The following KLHL14 variants were observed in gnomAD, a reference collection of about 807,000 sequenced individuals.
The protein encoded by KLHL14 is kelch like family member 14.
In KLHL14, 22 loss-of-function variants were observed where a neutral mutation model predicts 64.3. That is an observed-to-expected ratio of 0.34 (90% confidence interval 0.24 to 0.49). The LOEUF (loss-of-function observed/expected upper bound fraction) is 0.49, where lower values mean the gene tolerates loss of function less well. Ranked by LOEUF, KLHL14 falls within the 20% of genes least tolerant of loss-of-function variation. The pLI, the probability that KLHL14 is intolerant of heterozygous loss-of-function variation, is 0.99. For synonymous variants in KLHL14, 322 were observed against 333.4 expected, an observed-to-expected ratio of 0.97 and a Z score of 0.37; for missense variants, 661 against 789.0, an observed-to-expected ratio of 0.84 and a Z score of 1.94.
intron 2 of KLHL14, among the ~76,000 whole-genome samples, chr18:32,752,898 A>C (rs1172057235): frequency 1.3e-5 from 2 of 148,432 alleles, no homozygotes; most frequent in African/African-American, 5.0e-5. Flanking sequence ...TTTATAAGCT[A>C]TCAGAACTTC....
intron 3 of KLHL14, among the ~76,000 whole-genome samples, chr18:32,724,061 T>A (rs573706113): frequency 6.6e-6 from 1 of 152,230 alleles, no homozygotes; most frequent in South Asian, 2.1e-4. Flanking sequence ...TAGAAAGAGA[T>A]CAAATAATGT....
intron 3 of KLHL14, among the ~76,000 whole-genome samples, chr18:32,718,509 C>T (rs1028856231): frequency 6.6e-6 from 1 of 152,184 alleles, no homozygotes; most frequent in Non-Finnish European, 1.5e-5. Context: ...AGGTGACATA[C>T]TGAGCAAGCT....
At chr18:32,751,901 C>G (rs1396042327) in intron 2 of KLHL14, among the ~76,000 whole-genome samples, 3 of 152,120 alleles carry the variant, frequency 2.0e-5, no homozygotes, top group African/African-American at 7.2e-5. Context: ...CCAAGGTGGG[C>G]AGATCACTTG....
chr18:32,734,549 T>C (rs1298184014), intron 3 of KLHL14, among the ~76,000 whole-genome samples: 1 of 152,248 alleles, frequency 6.6e-6, no homozygotes, highest in East Asian at 1.9e-4. Flanking sequence ...GATTTCATTC[T>C]GAATCAAAGT....
chr18:32,698,707 T>C (rs2049948265), intron 3 of KLHL14, among the ~76,000 whole-genome samples: 1 of 152,132 alleles, frequency 6.6e-6, no homozygotes, highest in African/African-American at 2.4e-5. Context: ...CTCAACTTTA[T>C]TAAACAAACA....
intron 3 of KLHL14, among the ~76,000 whole-genome samples, chr18:32,713,182 C>G (rs755520490): frequency 3.9e-5 from 6 of 152,198 alleles, no homozygotes; most frequent in Non-Finnish European, 8.8e-5. Flanking sequence ...CCTAAAATAT[C>G]TACTGTCCTC....
intron 2 of KLHL14, chr18:32,743,487 C>T (rs983393642): frequency 9.2e-5 from 14 of 152,186 alleles, no homozygotes; most frequent in African/African-American, 3.4e-4. Flanking sequence ...GGGAAAAATA[C>T]CTTCTGGAGA....
chr18:32,772,094 G>GCGCCGGCCCGCCGGCC (rs200605696), intron 1 of KLHL14: 1 of 227,778 alleles, frequency 4.4e-6, no homozygotes, highest in Non-Finnish European at 8.5e-6. Context: ...TCCCGCCCGC[G>GCGCCGGCCCGCCGGCC]CGCCGGCCCG....
intron 4 of KLHL14, among the ~76,000 whole-genome samples, chr18:32,694,114 A>G (rs1412449351): frequency 4.6e-5 from 7 of 152,190 alleles, no homozygotes; most frequent in African/African-American, 1.7e-4. Flanking sequence ...CAAGACTGCT[A>G]TTTTAACAGA....
In KLHL14 at chr18:32,716,402, A is replaced by C. The variant is rs2004848; in HGVS notation, c.1070-20850T>G. Among the ~76,000 whole-genome samples the C allele has an allele frequency of 5.6e-3, 838 of 150,942 alleles. 4 individuals are homozygous for C. The highest frequency in any genetic ancestry group is 0.02 in the African/African-American group (813 of 40,934). On this transcript the variant is annotated intron_variant, in intron 3 of 8. Transcript: ENST00000359358. ...AAGTTAAAATTATTATAAATTGTGAAGATTTTAGCTTGCTTGACTTTTTTT... is the reference window on the plus strand; with the variant it reads ...AAGTTAAAATTATTATAAATTGTGACGATTTTAGCTTGCTTGACTTTTTTT...
At chr18:32,762,492 C>CTTT (rs1326723835) in intron 2 of KLHL14, among the ~76,000 whole-genome samples, 2 of 151,714 alleles carry the variant, frequency 1.3e-5, no homozygotes. Context: ...TTCTCATTAC[C>CTTT]CTATAATTTA....
intron 3 of KLHL14, among the ~76,000 whole-genome samples, chr18:32,739,642 GCACACACACACACACA>G (rs61442102): frequency 6.8e-6 from 1 of 147,188 alleles, no homozygotes; most frequent in African/African-American, 2.5e-5. Context: ...TAAGAACTTT[GCACACACACACACACA>G]CACACACACA....
Position 32,770,492 on chromosome 18 carries a change from C to T in KLHL14, c.100G>A (p.Asp34Asn), listed in dbSNP as rs747984493. Residue 34 changes from aspartate to asparagine, a missense_variant, in exon 2 of 9, where the codon GAC becomes AAC. Physicochemically the swap from Asp to Asn is conservative, Grantham distance 23. Transcript: ENST00000359358. The surrounding 1 kb of genome is among the most constrained non-coding windows in gnomAD (Gnocchi z 6.7). ...TGGCCCTGGGCCGTCAGGGTCACGT[C>T]GCAAAACAGCTGCTTCCTCCACAGC... The part of the protein sequence containing the change: ...NLLWRKQLFC[D>N]VTLTAQGQQF... The T allele has an allele frequency of 3.1e-6, 5 of 1,611,800 alleles. No individual in the cohort carries two copies. The East Asian group carries it at 6.7e-5, about 22-fold the overall frequency.
At chr18:32,763,779 C>G (rs1408171053) in intron 2 of KLHL14, among the ~76,000 whole-genome samples, 2 of 152,146 alleles carry the variant, frequency 1.3e-5, no homozygotes, top group Non-Finnish European at 2.9e-5. Flanking sequence ...GTGTCTATCT[C>G]AATTATATTT....
At chr18:32,762,791 A>G (rs1227923528) in intron 2 of KLHL14, among the ~76,000 whole-genome samples, 2 of 152,208 alleles carry the variant, frequency 1.3e-5, no homozygotes, top group Non-Finnish European at 2.9e-5. Flanking sequence ...AATGGAAAGG[A>G]CATGGAAAAT....
At chr18:32,679,971 T>C (rs1440329206) in intron 7 of KLHL14, among the ~76,000 whole-genome samples, 198 bp downstream of exon 7, 1 of 152,144 alleles carries the variant, frequency 6.6e-6, no homozygotes, top group African/African-American at 2.4e-5. Flanking sequence ...GTATGGTAAC[T>C]TAAAAATAAT....
At chr18:32,687,506 A>G (rs535971420) in intron 4 of KLHL14, among the ~76,000 whole-genome samples, 3 of 152,324 alleles carry the variant, frequency 2.0e-5, no homozygotes, top group East Asian at 3.9e-4. Context: ...TACATTTACC[A>G]AACTGGCTTT....
chr18:32,687,298 G>T, intron 4 of KLHL14, 65 bp from the exon 5 acceptor site: 3 of 1,251,928 alleles, frequency 2.4e-6, no homozygotes, highest in Non-Finnish European at 3.5e-6. Flanking sequence ...ATGTAGTAGT[G>T]TTTTATCAGA....
intron 3 of KLHL14, among the ~76,000 whole-genome samples, chr18:32,725,445 C>T (rs1398978523): frequency 6.6e-6 from 1 of 152,196 alleles, no homozygotes; most frequent in African/African-American, 2.4e-5. Context: ...TCTCATTACA[C>T]ACATTTAAGA....
Sources: gnomAD v4.1 joint callset for allele counts (sites outside exome capture counted in the v4.1 genomes callset) on GRCh38, gnomAD v4.1.1 for gene constraint, Gnocchi (gnomAD v3.1) non-coding constraint, MANE v1.5 for transcripts, NCBI Gene and HGNC (gene_info 2026-07-23, HGNC 2026-07-21) for gene names.